Variants in IMMP2L observed in about 807,000 individuals in gnomAD.
IMMP2L encodes the protein mitochondrial inner membrane protease subunit 2.
A neutral mutation model predicts 19.3 loss-of-function variants in IMMP2L; 18 were observed. That is an observed-to-expected ratio of 0.93 (90% CI 0.64 to 1.38). The LOEUF (loss-of-function observed/expected upper bound fraction) is 1.38, where lower values mean the gene tolerates loss of function less well. Among genes scored for constraint, IMMP2L ranks in the 40% most tolerant of loss-of-function variants. The pLI, the probability that IMMP2L is intolerant of heterozygous loss-of-function variation, is 0.00. For missense variants in IMMP2L, 233 were observed against 218.2 expected (o/e 1.07, Z -0.43); for synonymous variants, 76 against 73.0 (o/e 1.04, Z -0.21).
At chr7:110,730,821 G>C (rs1160281209) in intron 5 of IMMP2L, among the ~76,000 whole-genome samples, 1 of 152,144 alleles carries the variant, frequency 6.6e-6, no homozygotes, top group Non-Finnish European at 1.5e-5. Flanking sequence ...CGCCGCGCCC[G>C]GCCGGGACTG....
At chr7:110,822,864 C>A (rs1803158356) in intron 5 of IMMP2L, among the ~76,000 whole-genome samples, 1 of 152,082 alleles carries the variant, frequency 6.6e-6, no homozygotes, top group African/African-American at 2.4e-5. Flanking sequence ...CCATTGGCCA[C>A]TAAATTCACA....
At chr7:110,879,538 C>T (rs1192965642) in intron 5 of IMMP2L, among the ~76,000 whole-genome samples, 1 of 152,118 alleles carries the variant, frequency 6.6e-6, no homozygotes. Context: ...AACATTCATT[C>T]TCATCTTTTC....
intron 3 of IMMP2L, among the ~76,000 whole-genome samples, chr7:111,228,981 G>A (rs1190962307): frequency 6.6e-6 from 1 of 150,960 alleles, no homozygotes. Flanking sequence ...GTGTGTGTGT[G>A]TGTGTGTGTG....
intron 3 of IMMP2L, among the ~76,000 whole-genome samples, chr7:111,025,597 T>C (rs1826725236): frequency 6.6e-6 from 1 of 152,150 alleles, no homozygotes; most frequent in African/African-American, 2.4e-5. Context: ...AAAATTTTAA[T>C]GTAGTTTTCA....
chr7:111,297,720 G>A (rs1821778648), intron 3 of IMMP2L, among the ~76,000 whole-genome samples: 1 of 152,008 alleles, frequency 6.6e-6, no homozygotes, highest in African/African-American at 2.4e-5. Context: ...AAGAAAAATT[G>A]CACAGAAATA....
At chr7:111,400,550 A>C (rs928100610) in intron 3 of IMMP2L, among the ~76,000 whole-genome samples, 4 of 152,042 alleles carry the variant, frequency 2.6e-5, no homozygotes, top group Non-Finnish European at 4.4e-5. Context: ...CTGTCCATTT[A>C]AAATGTTCTC....
chr7:111,073,440 A>C (rs890046602), intron 3 of IMMP2L, among the ~76,000 whole-genome samples: 1 of 152,206 alleles, frequency 6.6e-6, no homozygotes, highest in African/African-American at 2.4e-5. Context: ...GAAAGTTAAA[A>C]ATTTAAAAAG....
chr7:111,327,972 C>T (rs942519869), intron 3 of IMMP2L, among the ~76,000 whole-genome samples: 10 of 151,648 alleles, frequency 6.6e-5, no homozygotes, highest in African/African-American at 2.4e-4. Context: ...TATAAGAATA[C>T]ATATGAGAAT....
chr7:111,186,936 T>C (rs1162147045), intron 3 of IMMP2L, among the ~76,000 whole-genome samples: 1 of 151,726 alleles, frequency 6.6e-6, no homozygotes, highest in Non-Finnish European at 1.5e-5. Context: ...TCGTCCTTGC[T>C]TTTTTTAAAA....
intron 3 of IMMP2L, among the ~76,000 whole-genome samples, chr7:111,088,483 T>C (rs557446892): frequency 6.8e-6 from 1 of 147,246 alleles, no homozygotes; most frequent in Admixed American, 6.8e-5. Flanking sequence ...GGAGGGAGAG[T>C]AAGAAGAAGG....
At chr7:111,006,303 T>C (rs1242291224) in intron 3 of IMMP2L, among the ~76,000 whole-genome samples, 2 of 152,126 alleles carry the variant, frequency 1.3e-5, no homozygotes, top group Non-Finnish European at 2.9e-5. Context: ...TGATGTGCAC[T>C]AACTGGCAAG....
At chr7:110,721,880 G>C (rs1795598460) in intron 5 of IMMP2L, among the ~76,000 whole-genome samples, 1 of 152,058 alleles carries the variant, frequency 6.6e-6, no homozygotes, top group Non-Finnish European at 1.5e-5. Flanking sequence ...AAGAACAAGA[G>C]AGAGAAGAAA....
At chr7:111,406,931 C>T (rs1032103317) in intron 3 of IMMP2L, among the ~76,000 whole-genome samples, 7 of 152,006 alleles carry the variant, frequency 4.6e-5, no homozygotes, top group Non-Finnish European at 1.0e-4. Context: ...CCACAGGAAC[C>T]TCTGCAGTGG....
intron 3 of IMMP2L, among the ~76,000 whole-genome samples, chr7:111,035,740 G>A (rs1188577994): frequency 2.6e-5 from 4 of 152,094 alleles, no homozygotes; most frequent in Admixed American, 6.6e-5. Context: ...GAAATTACTA[G>A]ATTATTTATT....
intron 3 of IMMP2L, among the ~76,000 whole-genome samples, chr7:111,054,617 G>A (rs989792663): frequency 2.0e-5 from 3 of 152,186 alleles, no homozygotes; most frequent in African/African-American, 2.4e-5. Context: ...AAGAGAAGGC[G>A]TTTTCAAGTT....
At chr7:110,938,164 A>T (rs1816325265) in intron 4 of IMMP2L, among the ~76,000 whole-genome samples, 1 of 152,166 alleles carries the variant, frequency 6.6e-6, no homozygotes. Flanking sequence ...ACAACTTAAT[A>T]GGATCTACCA....
At chr7:110,950,909 A>AAT (rs140171036) in intron 4 of IMMP2L, among the ~76,000 whole-genome samples, 22,564 of 142,768 alleles carry the variant, frequency 0.16, 3,776 homozygotes, top group African/African-American at 0.42. Flanking sequence ...ATATATGCCA[A>AAT]ATATATATAT....
At chr7:110,738,116 G>T (rs1178062029) in intron 5 of IMMP2L, among the ~76,000 whole-genome samples, 1 of 152,166 alleles carries the variant, frequency 6.6e-6, no homozygotes, top group African/African-American at 2.4e-5. Flanking sequence ...GAAGAAAGCA[G>T]AAAAACAATT....
At chr7:111,315,985 A>C (rs1403953352) in intron 3 of IMMP2L, among the ~76,000 whole-genome samples, 1 of 152,160 alleles carries the variant, frequency 6.6e-6, no homozygotes, top group Non-Finnish European at 1.5e-5. Flanking sequence ...ATACTTACAC[A>C]AACATAGATG....
Sources: allele counts gnomAD v4.1 joint callset (sites outside exome capture counted in the v4.1 genomes callset), GRCh38; gene constraint gnomAD v4.1.1; transcripts MANE v1.5; gene names NCBI Gene and HGNC (gene_info 2026-07-23, HGNC 2026-07-21).